Variants in ILRUN observed in about 807,000 individuals in gnomAD.
ILRUN encodes inflammation and lipid regulator with UBA-like and NBR1-like domains, also known as protein ILRUN.
In ILRUN, 3 loss-of-function variants were observed where a neutral mutation model predicts 33.8. That is an observed-to-expected ratio of 0.09 (90% CI 0.04 to 0.23). ILRUN has a LOEUF of 0.23. Ranked by LOEUF, ILRUN falls within the 10% of genes least tolerant of loss-of-function variation. The pLI is 1.00. For missense variants in ILRUN, 210 were observed against 375.1 expected (o/e 0.56, Z 3.64); for synonymous variants, 124 against 138.9 (o/e 0.89, Z 0.75).
chr6:34,607,592 T>C (rs1162878495), intron 3 of ILRUN, among the ~76,000 whole-genome samples: 1 of 152,176 alleles, frequency 6.6e-6, no homozygotes, highest in Non-Finnish European at 1.5e-5. Context: ...GAAGAAGATA[T>C]GTTCTGAGAA....
chr6:34,667,124 T>C (rs1260738453), intron 1 of ILRUN, among the ~76,000 whole-genome samples: 8 of 152,252 alleles, frequency 5.3e-5, no homozygotes, highest in African/African-American at 1.9e-4. Flanking sequence ...TAGTTTATTC[T>C]GATTCTTCCT....
At chr6:34,650,505 A>C (rs948504088) in intron 2 of ILRUN, among the ~76,000 whole-genome samples, 34 of 151,596 alleles carry the variant, frequency 2.2e-4, no homozygotes, top group Non-Finnish European at 4.4e-4. Context: ...GTCTCAGCTC[A>C]CTGCAACCTC....
At chr6:34,635,410 C>T (rs537379956) in intron 3 of ILRUN, among the ~76,000 whole-genome samples, 5 of 152,060 alleles carry the variant, frequency 3.3e-5, no homozygotes, top group Non-Finnish European at 5.9e-5. Context: ...TGCCTGTAAT[C>T]CCAGCTACTT....
chr6:34,611,957 T>C (rs1385196861), intron 3 of ILRUN, among the ~76,000 whole-genome samples: 1 of 152,094 alleles, frequency 6.6e-6, no homozygotes, highest in African/African-American at 2.4e-5. Flanking sequence ...CCCACAGGTC[T>C]TTGGCACCTG....
chr6:34,676,588 G>A (rs562366238), intron 1 of ILRUN, among the ~76,000 whole-genome samples: 7 of 151,498 alleles, frequency 4.6e-5, no homozygotes, highest in Non-Finnish European at 7.4e-5. Flanking sequence ...CTGCAGCCTC[G>A]ACCTCCTGGG....
rs184129143 is a variant in ILRUN at position 34,588,328 on chromosome 6, C to T, written c.*2237G>A. 3.5e-4 allele frequency: 140 copies of T among 398,020 alleles called. 1 individual carries two copies. The highest frequency in any genetic ancestry group is 2.6e-3 in the African/African-American group (129 of 48,746). 24.7% of individuals were successfully genotyped at this position (398,020 alleles called of 1,614,324 possible). A position where few individuals can be genotyped will look rare whatever the true frequency, so the allele number is the denominator to read the frequency against. On this transcript the variant is annotated 3_prime_UTR_variant, in exon 5 of 5. Transcript: ENST00000374023. ...ACTCTGGCAGGCCCAGACCCACTGA[C>T]GGTGGCCCATGAAGCCCCTGCTGGG... is the stretch of plus-strand genomic sequence containing the variant.
At chr6:34,606,526 T>A in intron 4 of ILRUN, 29 bp downstream of exon 4, 1 of 1,582,770 alleles carries the variant, frequency 6.3e-7, no homozygotes, top group Non-Finnish European at 8.6e-7. Context: ...GCCCACCACC[T>A]ACCCCTTCTC....
intron 3 of ILRUN, among the ~76,000 whole-genome samples, chr6:34,639,913 A>G (rs1162716207): frequency 1.3e-5 from 2 of 152,196 alleles, no homozygotes; most frequent in Non-Finnish European, 2.9e-5. Context: ...ACATATGCAA[A>G]AAGCCCAAAA....
chr6:34,671,108 T>A (rs1763109157), intron 1 of ILRUN, among the ~76,000 whole-genome samples: 1 of 152,098 alleles, frequency 6.6e-6, no homozygotes, highest in African/African-American at 2.4e-5. Flanking sequence ...TAGAAAAATT[T>A]ATGAATTAAA....
rs1763440006 is a variant in ILRUN at position 34,683,483 on chromosome 6, T to TAC, written c.158+12962_158+12963insGT. Among the ~76,000 whole-genome samples, 41 of 106,508 alleles carry TAC rather than the reference T, an allele frequency of 3.8e-4. 1 individual carries two copies. The highest frequency in any genetic ancestry group is 2.0e-3 in the African/African-American group (40 of 20,176). 69.9% of individuals were successfully genotyped at this position (106,508 alleles called of 152,430 possible). On this transcript the variant is annotated intron_variant, in intron 1 of 4. Transcript: ENST00000374023. ...ATATACATATATATACACATATATATATACATATATATATACATATATATA... is the reference window on the plus strand; with the variant it reads ...ATATACATATATATACACATATATATACATACATATATATATACATATATATA...
At chr6:34,660,123 G>A (rs1172424421) in intron 1 of ILRUN, among the ~76,000 whole-genome samples, 5 of 144,358 alleles carry the variant, frequency 3.5e-5, no homozygotes, top group Non-Finnish European at 4.5e-5. Context: ...GTAACATGGC[G>A]AAACCTCATC....
intron 1 of ILRUN, among the ~76,000 whole-genome samples, chr6:34,660,235 TG>T (rs1754999689): frequency 1.3e-5 from 2 of 150,638 alleles, no homozygotes; most frequent in Admixed American, 1.3e-4. Flanking sequence ...CCCAGGAGGG[TG>T]AGGCTGCGGT....
chr6:34,667,787 T>C (rs1763035007), intron 1 of ILRUN, among the ~76,000 whole-genome samples: 1 of 152,148 alleles, frequency 6.6e-6, no homozygotes, highest in Admixed American at 6.6e-5. Context: ...CCGACTGGCA[T>C]AAACTCTAAA....
intron 4 of ILRUN, among the ~76,000 whole-genome samples, chr6:34,606,308 A>C (rs1761628229): frequency 6.6e-6 from 1 of 152,210 alleles, no homozygotes; most frequent in African/African-American, 2.4e-5. Flanking sequence ...TCAACACCCA[A>C]ACCATAGCAG....
intron 3 of ILRUN, among the ~76,000 whole-genome samples, chr6:34,639,497 C>A (rs1295831150): frequency 6.6e-6 from 1 of 152,202 alleles, no homozygotes; most frequent in Non-Finnish European, 1.5e-5. Context: ...AAAACAAGGA[C>A]AATCACTCAT....
At chr6:34,673,866 G>A (rs1419581865) in intron 1 of ILRUN, among the ~76,000 whole-genome samples, 2 of 144,006 alleles carry the variant, frequency 1.4e-5, no homozygotes, top group Non-Finnish European at 3.0e-5. Context: ...CACGCTGGGT[G>A]ACAGAGAGAT....
intron 3 of ILRUN, among the ~76,000 whole-genome samples, chr6:34,645,013 G>A (rs754345022): frequency 1.3e-4 from 20 of 152,144 alleles, no homozygotes; most frequent in Non-Finnish European, 2.9e-4. Context: ...CTTCATTACA[G>A]TAGGTACAAA....
chr6:34,655,671 T>C (rs1388790952), intron 1 of ILRUN, among the ~76,000 whole-genome samples: 1 of 152,228 alleles, frequency 6.6e-6, no homozygotes, highest in East Asian at 1.9e-4. Context: ...CAGTTTTGTA[T>C]ACATGCAAGT....
chr6:34,683,192 G>GTA (rs1172604348), intron 1 of ILRUN, among the ~76,000 whole-genome samples: 2 of 150,946 alleles, frequency 1.3e-5, no homozygotes, highest in African/African-American at 4.9e-5. Context: ...ATGTGTATGT[G>GTA]TATATATATG....
Sources: gnomAD v4.1 joint callset for allele counts (sites outside exome capture counted in the v4.1 genomes callset) on GRCh38, gnomAD v4.1.1 for gene constraint, MANE v1.5 for transcripts, NCBI Gene and HGNC (gene_info 2026-07-23, HGNC 2026-07-21) for gene names.